Variants in RORA observed in about 807,000 individuals in gnomAD.
The protein encoded by RORA is RAR related orphan receptor A, also known as nuclear receptor ROR-alpha.
In RORA, 7 loss-of-function variants were observed where a neutral mutation model predicts 69.5. The ratio of observed to expected loss-of-function variants is 0.10; its 90% CI spans 0.06 to 0.19. The LOEUF (loss-of-function observed/expected upper bound fraction) is 0.19, where lower values mean the gene tolerates loss of function less well. Ranked by LOEUF, RORA falls within the 10% of genes least tolerant of loss-of-function variation. The probability of loss-of-function intolerance (pLI) is 1.00; values close to 1 mark genes in which losing one functional copy is unlikely to be tolerated. For synonymous variants in RORA, 261 were observed against 240.8 expected, an observed-to-expected ratio of 1.08 and a Z score of -0.78; for missense variants, 457 against 663.0, an observed-to-expected ratio of 0.69 and a Z score of 3.41.
In RORA at chr15:60,492,220, A is replaced by T. The variant is rs2065054052; in HGVS notation, c.*5235T>A. On this transcript the variant is annotated 3_prime_UTR_variant, in exon 11 of 11. Coordinates refer to ENST00000335670, the MANE Select transcript of RORA (RefSeq NM_134261.3). Reference sequence around the variant, plus strand: ...AATCTTCTTGTGAATGTGTATCCCAAGGTGGAAGAATCAGAGCCAACAATT... The same window carrying T: ...AATCTTCTTGTGAATGTGTATCCCATGGTGGAAGAATCAGAGCCAACAATT... The T allele has an allele frequency of 6.6e-6, 1 of 152,216 alleles. No individual in the cohort carries two copies. Among genetic ancestry groups the T allele is most frequent in the South Asian group, 2.1e-4 (1 of 4,830 alleles). The allele number at this position is 152,216 out of a possible 1,614,324, so 9.4% of individuals were successfully genotyped here. A position where few individuals can be genotyped will look rare whatever the true frequency, so the allele number is the denominator to read the frequency against.
chr15:60,808,502 G>C (rs567534760), intron 1 of RORA, among the ~76,000 whole-genome samples: 10 of 152,164 alleles, frequency 6.6e-5, no homozygotes, highest in African/African-American at 2.4e-4. Flanking sequence ...AAACTGGGTG[G>C]AGTTTTCTTA....
chr15:60,780,836 C>T (rs1205644312), intron 1 of RORA, among the ~76,000 whole-genome samples: 1 of 152,124 alleles, frequency 6.6e-6, no homozygotes, highest in African/African-American at 2.4e-5. Flanking sequence ...CTAGTGTCAC[C>T]CATTCTAGCA....
intron 2 of RORA, among the ~76,000 whole-genome samples, chr15:60,662,378 C>G (rs1221510852): frequency 6.6e-6 from 1 of 152,182 alleles, no homozygotes; most frequent in East Asian, 1.9e-4. Context: ...TAGACAGTAG[C>G]AAACTGTCAA....
chr15:60,602,603 A>G lies in RORA; in HGVS notation c.197-70752T>C, dbSNP rs557958321. Among the ~76,000 whole-genome samples the G allele has an allele frequency of 3.3e-5, 5 of 152,344 alleles. No individual in the cohort carries two copies. In the South Asian group the frequency reaches 1.0e-3, roughly 32 times the overall value. ...TCAGAGAGATCGCTGCTCAGTTTGC[A>G]GTATAACATAAATTACTACATAGTG... is the stretch of plus-strand genomic sequence containing the variant. On this transcript the variant is annotated intron_variant, in intron 2 of 10. Transcript: ENST00000335670.
At chr15:60,764,573 T>A (rs1283917498) in intron 1 of RORA, among the ~76,000 whole-genome samples, 1 of 152,050 alleles carries the variant, frequency 6.6e-6, no homozygotes, top group Non-Finnish European at 1.5e-5. Flanking sequence ...GCTGAAAAGG[T>A]CAACTAGATT....
chr15:60,635,051 C>A (rs75503648), intron 2 of RORA, among the ~76,000 whole-genome samples: 2 of 152,194 alleles, frequency 1.3e-5, no homozygotes, highest in Non-Finnish European at 2.9e-5. Flanking sequence ...ATGAAACCCA[C>A]GGAGCACGGC....
chr15:60,888,859 G>A (rs1168745517), intron 1 of RORA, among the ~76,000 whole-genome samples: 1 of 141,842 alleles, frequency 7.1e-6, no homozygotes, highest in Admixed American at 7.0e-5. Flanking sequence ...GGATGGGGCA[G>A]AGAGATCTGA....
chr15:60,549,325 A>C (rs1366231568), intron 2 of RORA, among the ~76,000 whole-genome samples: 2 of 152,168 alleles, frequency 1.3e-5, no homozygotes, highest in Admixed American at 6.5e-5. Flanking sequence ...GGCATTTACT[A>C]TATCACCAGG....
chr15:60,912,625 G>A (rs1891763139), intron 1 of RORA, among the ~76,000 whole-genome samples: 1 of 152,028 alleles, frequency 6.6e-6, no homozygotes, highest in South Asian at 2.1e-4. Flanking sequence ...ATGGTGGCAG[G>A]CGCCTGTAGT....
At chr15:60,856,358 A>T (rs2073380068) in intron 1 of RORA, among the ~76,000 whole-genome samples, 1 of 152,186 alleles carries the variant, frequency 6.6e-6, no homozygotes, top group Non-Finnish European at 1.5e-5. Context: ...CACTGAATAG[A>T]GTTCACCTTT....
chr15:60,977,129 A>C (rs1893897123), intron 1 of RORA, among the ~76,000 whole-genome samples: 1 of 151,724 alleles, frequency 6.6e-6, no homozygotes. Flanking sequence ...AAAAAAAAAA[A>C]AACCTATAGC....
At chr15:60,949,100 C>A (rs1012701874) in intron 1 of RORA, among the ~76,000 whole-genome samples, 2 of 152,198 alleles carry the variant, frequency 1.3e-5, no homozygotes, top group Non-Finnish European at 2.9e-5. Flanking sequence ...GTCCTGCATT[C>A]TTTCCTTCCC....
At chr15:60,748,261 A>G (rs149799754) in intron 1 of RORA, among the ~76,000 whole-genome samples, 1,524 of 151,880 alleles carry the variant, frequency 0.01, 80 homozygotes, top group Admixed American at 0.089. Context: ...TAGTTTACAT[A>G]GAAATGGATG....
At chr15:61,141,735 C>T (rs180914085) in intron 1 of RORA, among the ~76,000 whole-genome samples, 2 of 152,208 alleles carry the variant, frequency 1.3e-5, no homozygotes, top group Admixed American at 1.3e-4. Flanking sequence ...CAAGGTCCCG[C>T]AAGCCTGCCT....
chr15:61,011,577 A>G (rs1164002532), intron 1 of RORA, among the ~76,000 whole-genome samples: 1 of 152,188 alleles, frequency 6.6e-6, no homozygotes, highest in Non-Finnish European at 1.5e-5. Context: ...TATTGGCAAA[A>G]TACTCTCATG....
intron 1 of RORA, among the ~76,000 whole-genome samples, chr15:60,818,593 G>C (rs187822753): frequency 6.6e-6 from 1 of 152,134 alleles, no homozygotes; most frequent in Admixed American, 6.5e-5. Flanking sequence ...GCCTTCAAAG[G>C]TCCCTTCTCT....
chr15:61,113,219 A>G (rs539681284), intron 1 of RORA, among the ~76,000 whole-genome samples: 68 of 152,336 alleles, frequency 4.5e-4, no homozygotes, highest in African/African-American at 1.6e-3. Context: ...TGCTCTTTCT[A>G]GTTAGTACAG....
intron 1 of RORA, among the ~76,000 whole-genome samples, chr15:60,936,165 C>A (rs748333145): frequency 5.9e-5 from 9 of 152,244 alleles, no homozygotes; most frequent in Non-Finnish European, 1.0e-4. Flanking sequence ...CCAATCCTAT[C>A]TGATGGCCCA....
At chr15:60,613,928 C>G (rs340021) in intron 2 of RORA, among the ~76,000 whole-genome samples, 24,525 of 149,168 alleles carry the variant, frequency 0.16, 4,011 homozygotes, top group African/African-American at 0.43. Flanking sequence ...ACTGATATCT[C>G]ATATGGGGAA....
Sources: allele counts gnomAD v4.1 joint callset (sites outside exome capture counted in the v4.1 genomes callset), GRCh38; gene constraint gnomAD v4.1.1; transcripts MANE v1.5; gene names NCBI Gene and HGNC (gene_info 2026-07-23, HGNC 2026-07-21).